Variants in PCDHA5 observed in about 807,000 individuals in gnomAD.
PCDHA5 encodes the protein protocadherin alpha-5.
PCDHA5 carries 43 observed loss-of-function variants against 61.6 expected under a neutral mutation model. The observed-to-expected ratio is 0.70, with a 90% CI of 0.55 to 0.90. The LOEUF is 0.90. Among genes scored for constraint, PCDHA5 ranks in the 40% least tolerant of loss-of-function variants. The pLI, the probability that PCDHA5 is intolerant of heterozygous loss-of-function variation, is 0.00. For synonymous variants in PCDHA5, 627 were observed against 543.9 expected (o/e 1.15, Z -2.13); for missense variants, 1,298 against 1,222.7 (o/e 1.06, Z -0.92).
At chr5:140,824,196 A>G (rs1554129794) in intron 1 of PCDHA5, 69 bp downstream of exon 1, 1 of 1,598,358 alleles carries the variant, frequency 6.3e-7, no homozygotes, top group East Asian at 2.2e-5. Context: ...ACATTCACCC[A>G]CTTTTTTTGT....
intron 1 of PCDHA5, chr5:140,968,519 A>G (rs1030847582): frequency 1.2e-6 from 2 of 1,614,008 alleles, no homozygotes; most frequent in South Asian, 1.1e-5. Flanking sequence ...CCCTACCTCA[A>G]CCAACTCGTC....
chr5:140,942,817 T>C (rs1479369594), intron 1 of PCDHA5, among the ~76,000 whole-genome samples: 2 of 152,160 alleles, frequency 1.3e-5, no homozygotes, highest in African/African-American at 4.8e-5. Context: ...ACTAGTTGGA[T>C]TTGGCCCTGT....
At chr5:140,859,918 G>A (rs2046091009) in intron 1 of PCDHA5, 1 of 151,762 alleles carries the variant, frequency 6.6e-6, no homozygotes, top group Admixed American at 6.6e-5. Flanking sequence ...TATATTATAA[G>A]TAATATAAAA....
chr5:140,853,842 C>T lies in PCDHA5; in HGVS notation c.2352+29715C>T. On this transcript the variant is annotated intron_variant, in intron 1 of 3. Coordinates refer to ENST00000529859, the MANE Select transcript of PCDHA5 (RefSeq NM_018908.3). ...TTCTCATACAACCGAAATTTTAGATCCATAGCCCTATTTGATACTTGACAG... is the reference window on the plus strand; with the variant it reads ...TTCTCATACAACCGAAATTTTAGATTCATAGCCCTATTTGATACTTGACAG... 7.1e-6 allele frequency: 7 copies of T among 986,448 alleles called. 1 individual carries two copies. The highest frequency in any genetic ancestry group is 8.6e-6 in the Non-Finnish European group (7 of 818,538). The allele number at this position is 986,448 out of a possible 1,614,324, so 61.1% of individuals were successfully genotyped here. A position where few individuals can be genotyped will look rare whatever the true frequency, so the allele number is the denominator to read the frequency against.
chr5:140,875,033 T>G (rs1377177254), intron 1 of PCDHA5, among the ~76,000 whole-genome samples: 1 of 152,236 alleles, frequency 6.6e-6, no homozygotes, highest in Non-Finnish European at 1.5e-5. Context: ...CTACTGTATT[T>G]GAAAGATTTC....
chr5:140,869,227 G>A, intron 1 of PCDHA5: 2 of 1,613,788 alleles, frequency 1.2e-6, no homozygotes, highest in African/African-American at 1.3e-5. Context: ...GGCCAAACAC[G>A]GCACCTTCGT....
Position 140,831,520 on chromosome 5 carries a change from CT to C in PCDHA5, c.2352+7417del, listed in dbSNP as rs2150195630. On this transcript the variant is annotated intron_variant, in intron 1 of 3. Coordinates refer to ENST00000529859, the MANE Select transcript of PCDHA5 (RefSeq NM_018908.3). ...ACACGAGCACCACCATGCCCCCCAC[CT>C]TTTTTTTTTTTTTTTTTTTTTTTAA... Among the ~76,000 whole-genome samples the C allele has an allele frequency of 5.3e-3, 643 of 122,360 alleles. 1 individual carries two copies. The highest frequency in any genetic ancestry group is 0.013 in the Middle Eastern group (3 of 240). The allele number at this position is 122,360 out of a possible 152,430, so 80.3% of individuals were successfully genotyped here. A position where few individuals can be genotyped will look rare whatever the true frequency, so the allele number is the denominator to read the frequency against.
chr5:140,884,886 A>G (rs1261353977), intron 1 of PCDHA5, among the ~76,000 whole-genome samples: 1 of 152,220 alleles, frequency 6.6e-6, no homozygotes, highest in Non-Finnish European at 1.5e-5. Flanking sequence ...CAAAACAAGA[A>G]TATTTTGTTT....
At chr5:140,875,772 G>T (rs781933974) in intron 1 of PCDHA5, 2 of 1,614,136 alleles carry the variant, frequency 1.2e-6, no homozygotes, top group Non-Finnish European at 1.7e-6. Context: ...GGCGGAGCGC[G>T]GAGTGCAGTA....
At chr5:140,923,584 T>C (rs2081432624) in intron 1 of PCDHA5, among the ~76,000 whole-genome samples, 1 of 152,172 alleles carries the variant, frequency 6.6e-6, no homozygotes, top group South Asian at 2.1e-4. Context: ...AGAGAAGGTT[T>C]GTTAATTCAT....
chr5:140,829,852 A>C (rs2150176201), intron 1 of PCDHA5: 6 of 1,613,824 alleles, frequency 3.7e-6, no homozygotes, highest in Non-Finnish European at 5.1e-6. Flanking sequence ...CACTGGGTGC[A>C]GGCCAAGTGG....
chr5:140,964,964 C>A (rs1035701368), intron 1 of PCDHA5, among the ~76,000 whole-genome samples: 1 of 152,094 alleles, frequency 6.6e-6, no homozygotes, highest in Non-Finnish European at 1.5e-5. Flanking sequence ...GTTGGTGGAA[C>A]GAAGGGATGT....
rs2150341132 is a variant in PCDHA5, at chr5:140,842,649, T to C, written c.2352+18522T>C. The C allele has an allele frequency of 5.7e-5, 91 of 1,595,206 alleles. 10 individuals are homozygous for C. The Admixed American group carries it at 1.5e-3, about 27-fold the overall frequency. On this transcript the variant is annotated intron_variant, in intron 1 of 3. Transcript: ENST00000529859. ...CTGTGGGCCACCGCCAGCTTGTCTG[T>C]GGAGGTGGCCGACGTGAACGACAAT... is the stretch of plus-strand genomic sequence containing the variant.
At chr5:140,925,641 T>TATAATAATAATAATA (rs10569930) in intron 1 of PCDHA5, among the ~76,000 whole-genome samples, 21 of 143,352 alleles carry the variant, frequency 1.5e-4, no homozygotes, top group East Asian at 6.1e-4. Context: ...GAACTTAAAG[T>TATAATAATAATAATA]ATAATAATAA....
At chr5:140,832,679 G>A (rs1212097069) in intron 1 of PCDHA5, among the ~76,000 whole-genome samples, 3 of 152,094 alleles carry the variant, frequency 2.0e-5, no homozygotes, top group Non-Finnish European at 4.4e-5. Context: ...GAGAATCATC[G>A]AATTAACAAG....
chr5:140,903,765 C>G (rs782453519), intron 1 of PCDHA5, among the ~76,000 whole-genome samples: 1 of 152,086 alleles, frequency 6.6e-6, no homozygotes. Flanking sequence ...TTTTGCTGAA[C>G]TTTTCTATCC....
intron 1 of PCDHA5, among the ~76,000 whole-genome samples, chr5:140,972,087 A>G (rs1372467840): frequency 3.3e-5 from 5 of 152,192 alleles, no homozygotes; most frequent in Non-Finnish European, 7.3e-5. Context: ...AAAAAGAGTA[A>G]TTTCTGGCAT....
At chr5:140,856,020 G>A (rs782082828) in intron 1 of PCDHA5, 2 of 1,553,262 alleles carry the variant, frequency 1.3e-6, no homozygotes, top group African/African-American at 1.4e-5. Context: ...CCGCTGATTC[G>A]TCGATTTGTA....
chr5:140,830,355 G>A (rs373021109), intron 1 of PCDHA5: 2 of 1,614,120 alleles, frequency 1.2e-6, no homozygotes, highest in Admixed American at 1.7e-5. Flanking sequence ...CAGCAGAGGC[G>A]GCAGAGGGTG....
Sources: allele counts gnomAD v4.1 joint callset (sites outside exome capture counted in the v4.1 genomes callset), GRCh38; gene constraint gnomAD v4.1.1; transcripts MANE v1.5; gene names NCBI Gene and HGNC (gene_info 2026-07-23, HGNC 2026-07-21).